Variants in PLCG2 observed in about 807,000 individuals in gnomAD.
PLCG2 encodes the protein phospholipase C gamma 2, also known as 1-phosphatidylinositol 4,5-bisphosphate phosphodiesterase gamma-2.
A neutral mutation model predicts 175.6 loss-of-function variants in PLCG2; 69 were observed. The observed-to-expected ratio is 0.39, with a 90% confidence interval of 0.32 to 0.48. PLCG2 has a LOEUF of 0.48. Among genes scored for constraint, PLCG2 ranks in the 20% least tolerant of loss-of-function variants. PLCG2 has a pLI of 0.91. For synonymous variants in PLCG2, 827 were observed against 624.0 expected (o/e 1.33, Z -4.85); for missense variants, 1,798 against 1,650.9 (o/e 1.09, Z -1.54).
intron 22 of PLCG2, 96 bp from the exon 23 acceptor site, chr16:81,926,986 C>T (rs1160899053): frequency 3.8e-6 from 3 of 784,910 alleles, no homozygotes; most frequent in Non-Finnish European, 2.3e-6. Flanking sequence ...TGTCTGTCCC[C>T]ATCAGAATTG....
At chr16:81,854,273 C>T (rs1044937477) in intron 2 of PLCG2, among the ~76,000 whole-genome samples, 171 bp from the exon 3 acceptor site, 17 of 152,136 alleles carry the variant, frequency 1.1e-4, no homozygotes, top group African/African-American at 3.9e-4. Context: ...GGTCTTAGCC[C>T]TTTGTCCATT....
At chr16:81,770,829 C>A (rs1018572722) in intron 2 of PLCG2, among the ~76,000 whole-genome samples, 4 of 152,034 alleles carry the variant, frequency 2.6e-5, no homozygotes, top group African/African-American at 4.8e-5. Flanking sequence ...GGGGCCGAGG[C>A]GGGCGGATCG....
Position 81,787,459 on chromosome 16 carries a change from C to G in PLCG2, c.193+1277C>G, listed in dbSNP as rs559944047. ...TCCAGGCTTGTCTCCAATTCCTGTG[C>G]TCAAGTGATCCTCCCTCCTTGGCCT... On this transcript the variant is annotated intron_variant, in intron 2 of 32. Coordinates refer to ENST00000564138, the MANE Select transcript of PLCG2 (RefSeq NM_002661.5). Among the ~76,000 whole-genome samples the G allele has an allele frequency of 2.3e-5, 3 of 130,126 alleles. No individual in the cohort carries two copies. The East Asian group carries it at 6.7e-4, about 29-fold the overall frequency. The allele number at this position is 130,126 out of a possible 152,430, so 85.4% of individuals were successfully genotyped here.
chr16:81,897,548 C>CTTTTTTT (rs10710027), intron 13 of PLCG2, among the ~76,000 whole-genome samples: 12 of 128,676 alleles, frequency 9.3e-5, no homozygotes, highest in East Asian at 6.6e-4. Flanking sequence ...CTTTTCTTTT[C>CTTTTTTT]TTTTTTTTTT....
intron 13 of PLCG2, 39 bp from the exon 14 acceptor site, chr16:81,900,573 G>A (rs1224959743): frequency 6.5e-7 from 1 of 1,547,442 alleles, no homozygotes; most frequent in South Asian, 1.2e-5. Flanking sequence ...AGAGGTGTGT[G>A]CTCCCCCTGC....
At chr16:81,809,756 G>C (rs768911107) in intron 2 of PLCG2, among the ~76,000 whole-genome samples, 6 of 144,928 alleles carry the variant, frequency 4.1e-5, no homozygotes, top group Non-Finnish European at 8.9e-5. Flanking sequence ...TGTCACTTCT[G>C]TCCTGATTCT....
chr16:81,777,961 G>A (rs1226036636), upstream of PLCG2, among the ~76,000 whole-genome samples: 9 of 145,670 alleles, frequency 6.2e-5, no homozygotes, highest in African/African-American at 1.5e-4. Flanking sequence ...AGGTTGCAGT[G>A]AGCCGAGATC....
intron 7 of PLCG2, among the ~76,000 whole-genome samples, chr16:81,875,465 T>A (rs1907735038): frequency 6.6e-6 from 1 of 152,194 alleles, no homozygotes; most frequent in South Asian, 2.1e-4. Context: ...GAATACTTCT[T>A]AATTTTTGAA....
chr16:81,885,056 T>G (rs1449739229), intron 9 of PLCG2, among the ~76,000 whole-genome samples: 1 of 129,748 alleles, frequency 7.7e-6, no homozygotes, highest in Non-Finnish European at 1.7e-5. Flanking sequence ...CCTGACAATT[T>G]TTTTTTTTTT....
chr16:81,906,968 G>A (rs1909397067), intron 15 of PLCG2, among the ~76,000 whole-genome samples: 1 of 151,146 alleles, frequency 6.6e-6, no homozygotes, highest in African/African-American at 2.4e-5. Flanking sequence ...AACCCGGGAG[G>A]CGGAGGTTTC....
At chr16:81,846,379 C>T (rs1335919721) in intron 2 of PLCG2, among the ~76,000 whole-genome samples, 1 of 152,200 alleles carries the variant, frequency 6.6e-6, no homozygotes, top group East Asian at 1.9e-4. Context: ...TTCTGCTCGC[C>T]ATCCCACTCC....
At chr16:81,926,314 G>C (rs1256906243) in intron 22 of PLCG2, among the ~76,000 whole-genome samples, 13 of 152,200 alleles carry the variant, frequency 8.5e-5, no homozygotes, top group Non-Finnish European at 7.3e-5. Context: ...GTGGTCAGAG[G>C]TGCATTTTGG....
At chr16:81,944,323 G>A (rs1024767275) in intron 30 of PLCG2, among the ~76,000 whole-genome samples, 1 of 149,122 alleles carries the variant, frequency 6.7e-6, no homozygotes, top group Non-Finnish European at 1.5e-5. Context: ...ATTATGTATC[G>A]AACATATGCA....
chr16:81,869,592 T>C (rs893376370), intron 6 of PLCG2, among the ~76,000 whole-genome samples: 1 of 152,220 alleles, frequency 6.6e-6, no homozygotes, highest in Non-Finnish European at 1.5e-5. Flanking sequence ...CTGACCATAC[T>C]GCAGCCCATT....
intron 7 of PLCG2, among the ~76,000 whole-genome samples, chr16:81,874,258 C>A (rs1449869584): frequency 1.3e-5 from 2 of 152,168 alleles, no homozygotes; most frequent in African/African-American, 4.8e-5. Context: ...ATGGAACGGT[C>A]CACTTTCTCT....
chr16:81,826,490 G>A (rs1905055101), intron 2 of PLCG2, among the ~76,000 whole-genome samples: 1 of 152,178 alleles, frequency 6.6e-6, no homozygotes, highest in African/African-American at 2.4e-5. Context: ...TGATAAAATC[G>A]CAATAATAGT....
chr16:81,836,673 T>A (rs938515908), intron 2 of PLCG2, among the ~76,000 whole-genome samples: 3 of 152,162 alleles, frequency 2.0e-5, no homozygotes, highest in Admixed American at 2.0e-4. Flanking sequence ...CTCAGGAGGC[T>A]GAGGTGCAGT....
rs147713839 is a variant in PLCG2, at chr16:81,800,014, T to A, written c.193+13832T>A. 6.0e-3 allele frequency among the ~76,000 whole-genome samples: 907 copies of A among 152,328 alleles called. 7 individuals carry two copies. Among genetic ancestry groups the A allele is most frequent in the African/African-American group, 0.02 (823 of 41,576 alleles). On this transcript the variant is annotated intron_variant, in intron 2 of 32. Transcript: ENST00000564138. ...GTTCAGATCTTGGCTATGCCACTTA[T>A]CCCATTTGTGGCCATGGACAAGTTA...
At chr16:81,955,097 T>A (rs913860055) in intron 31 of PLCG2, among the ~76,000 whole-genome samples, 2 of 152,206 alleles carry the variant, frequency 1.3e-5, no homozygotes, top group Non-Finnish European at 2.9e-5. Context: ...CCTCACTTGA[T>A]ACATTCACTT....
Sources: allele counts gnomAD v4.1 joint callset (sites outside exome capture counted in the v4.1 genomes callset), GRCh38; gene constraint gnomAD v4.1.1; transcripts MANE v1.5; gene names NCBI Gene and HGNC (gene_info 2026-07-23, HGNC 2026-07-21).